The following TRIM42 variants were observed in gnomAD, a reference collection of about 807,000 sequenced individuals.
The protein encoded by TRIM42 is tripartite motif-containing protein 42.
Under a neutral mutation model 64.9 loss-of-function variants are expected in TRIM42, and 59 were observed. That is an observed-to-expected ratio of 0.91 (90% CI 0.74 to 1.13). TRIM42 has a LOEUF of 1.13. Among genes scored for constraint, TRIM42 ranks in the 50% most tolerant of loss-of-function variants. The probability of loss-of-function intolerance (pLI) is 0.00; values close to 1 mark genes in which losing one functional copy is unlikely to be tolerated. For missense variants in TRIM42, 878 were observed against 929.5 expected, an observed-to-expected ratio of 0.94 and a Z score of 0.72; for synonymous variants, 354 against 346.3, an observed-to-expected ratio of 1.02 and a Z score of -0.25.
At position 140,701,054 on chromosome 3, in the gene TRIM42, T is replaced by G. The variant is rs1988987757; in HGVS notation, c.*80T>G. The G allele has an allele frequency of 4.0e-6, 5 of 1,244,032 alleles. No homozygotes were observed. Among genetic ancestry groups the G allele is most frequent in the Admixed American group, 2.3e-5 (1 of 43,136 alleles). 77.1% of individuals were successfully genotyped at this position (1,244,032 alleles called of 1,614,324 possible). ...ACACATATATGTATGTATATTTTTCTCACCACATTCTTCAAGGAGGTTGTA... is the reference window on the plus strand; with the variant it reads ...ACACATATATGTATGTATATTTTTCGCACCACATTCTTCAAGGAGGTTGTA... On this transcript the variant is annotated 3_prime_UTR_variant, in exon 5 of 5. Transcript: ENST00000286349.
intron 2 of TRIM42, among the ~76,000 whole-genome samples, chr3:140,686,722 AAG>A (rs1988554063): frequency 1.3e-5 from 2 of 152,198 alleles, no homozygotes; most frequent in Admixed American, 1.3e-4. Context: ...CAATTCACTG[AAG>A]AGTTTACCTT....
chr3:140,682,613 C>T lies in TRIM42; in HGVS notation c.493C>T (p.Leu165=). ...HSFMLPCNHS[L]CEKCLRQLQK... ...ATTCATGCTGCCCTGCAACCACAGC[C>T]TGTGCGAGAAGTGCCTGCGGCAGCT... The change falls in exon 2 of 5, where the codon CTG becomes TTG. Residue 165 remains leucine, a synonymous_variant. Coordinates refer to ENST00000286349, the MANE Select transcript of TRIM42 (RefSeq NM_152616.5). 6.2e-7 allele frequency: 1 copy of T among 1,614,224 alleles called. No individual in the cohort carries two copies. Among genetic ancestry groups the T allele is most frequent in the Non-Finnish European group, 8.5e-7 (1 of 1,180,052 alleles).
chr3:140,694,326 C>A (rs897477357), intron 4 of TRIM42, among the ~76,000 whole-genome samples: 1 of 152,250 alleles, frequency 6.6e-6, no homozygotes, highest in African/African-American at 2.4e-5. Flanking sequence ...ACACACCCTT[C>A]TGTGCCCATG....
Position 140,688,430 on chromosome 3 carries a change from C to G in TRIM42, c.1748C>G (p.Ser583Cys). ...TYWSAGADSQ[S>C]VQNSSSFHNW... The stretch of plus-strand genomic sequence containing the variant: ...TGGAGTGCTGGAGCAGACAGCCAGT[C>G]TGTACAGAACAGCAGCAGCTTCCAC... Residue 583 changes from serine (S) to cysteine (C), a missense_variant, in exon 3 of 5, where the codon TCT (serine) becomes TGT (cysteine). Ser to Cys is a moderately radical substitution (Grantham distance 112, BLOSUM62 -1). Coordinates refer to ENST00000286349, the MANE Select transcript of TRIM42 (RefSeq NM_152616.5). 1 of 1,614,202 alleles carries G rather than the reference C, an allele frequency of 6.2e-7. No individual in the cohort carries two copies. The highest frequency in any genetic ancestry group is 8.5e-7 in the Non-Finnish European group (1 of 1,180,034).
At chr3:140,681,050 T>C (rs1248644913) in intron 1 of TRIM42, among the ~76,000 whole-genome samples, 1 of 152,254 alleles carries the variant, frequency 6.6e-6, no homozygotes, top group Non-Finnish European at 1.5e-5. Context: ...AGCTATTTCA[T>C]TTATTTTTAT....
chr3:140,678,223 A>T lies in TRIM42; in HGVS notation c.-7A>T, dbSNP rs1234392794. On this transcript the variant is annotated 5_prime_UTR_variant, in exon 1 of 5. The change abolishes the stop of an existing upstream ORF in the 5' untranslated region. Coordinates refer to ENST00000286349, the MANE Select transcript of TRIM42 (RefSeq NM_152616.5). ...CCTGGGAGGCCGGTGGTAATCATGT[A>T]GGCACCATGGAAACTGCTATGTGCG... 6.2e-7 allele frequency: 1 copy of T among 1,611,200 alleles called. No individual in the cohort carries two copies. The highest frequency in any genetic ancestry group is 2.2e-5 in the East Asian group (1 of 44,830).
At chr3:140,690,560 TATATATATATATATATATATATATATG>T (rs1988680013) in intron 3 of TRIM42, among the ~76,000 whole-genome samples, 1 of 66,204 alleles carries the variant, frequency 1.5e-5, no homozygotes, top group Non-Finnish European at 4.6e-5. Context: ...TATATATATA[TATATATATATATATATATATATATATG>T]TTTGTATGTG....
Position 140,678,290 on chromosome 3 carries a change from T to C in TRIM42, c.61T>C (p.Leu21=), listed in dbSNP as rs763284137. ...CCTWQRCCPQ[L]CSCLCCKFIF... is the part of the protein sequence containing the mutation. The stretch of plus-strand genomic sequence containing the variant: ...TACATGGCAGAGATGTTGTCCTCAG[T>C]TATGCTCCTGTCTGTGCTGCAAGTT... The change falls in exon 1 of 5, where the codon TTA becomes CTA. Residue 21 remains leucine (L), a synonymous_variant. Transcript: ENST00000286349. 1.9e-6 allele frequency: 3 copies of C among 1,614,210 alleles called. No individual in the cohort carries two copies. Among genetic ancestry groups the C allele is most frequent in the Non-Finnish European group, 2.5e-6 (3 of 1,180,030 alleles).
In TRIM42 at chr3:140,692,562, C is replaced by CACACACACACACACACACACACACAGAG. The variant is rs375439126; in HGVS notation, c.2085+1371_2085+1372insCACACACACACACACACACACACAGAGA. 4.2e-3 allele frequency among the ~76,000 whole-genome samples: 482 copies of CACACACACACACACACACACACACAGAG among 114,068 alleles called. 5 individuals are homozygous for CACACACACACACACACACACACACAGAG. Among genetic ancestry groups the CACACACACACACACACACACACACAGAG allele is most frequent in the African/African-American group, 5.0e-3 (172 of 34,078 alleles). 74.8% of individuals were successfully genotyped at this position (114,068 alleles called of 152,430 possible). A position where few individuals can be genotyped will look rare whatever the true frequency, so the allele number is the denominator to read the frequency against. On this transcript the variant is annotated intron_variant, in intron 4 of 4. Transcript: ENST00000286349. ...ACACACACACACACACACACACACA[C>CACACACACACACACACACACACACAGAG]AGAGAGAGATAGAGAGAGAGAGAGA... is the stretch of plus-strand genomic sequence containing the variant.
intron 2 of TRIM42, among the ~76,000 whole-genome samples, chr3:140,687,263 G>A (rs754462397): frequency 1.3e-5 from 2 of 152,198 alleles, no homozygotes; most frequent in Non-Finnish European, 2.9e-5. Context: ...GAGGCTTAGC[G>A]AATGATGCAA....
chr3:140,679,272 G>A (rs1988297791), intron 1 of TRIM42, among the ~76,000 whole-genome samples: 1 of 152,114 alleles, frequency 6.6e-6, no homozygotes, highest in African/African-American at 2.4e-5. Flanking sequence ...TTCCCATCCA[G>A]AAGTCATAGT....
At position 140,688,215 on chromosome 3, in the gene TRIM42, C is replaced by G. The variant is rs1425091150; in HGVS notation, c.1533C>G (p.His511Gln). 1.2e-6 allele frequency: 2 copies of G among 1,614,182 alleles called. No homozygotes were observed. Among genetic ancestry groups the G allele is most frequent in the South Asian group, 2.2e-5 (2 of 91,086 alleles). Residue 511 changes from histidine (H) to glutamine (Q), a missense_variant, in exon 3 of 5, where the codon CAC becomes CAG. Coordinates refer to ENST00000286349, the MANE Select transcript of TRIM42 (RefSeq NM_152616.5). Reference protein sequence around the residue: ...GDSLPSPYPVHSETMIARKVT... With the variant: ...GDSLPSPYPVQSETMIARKVT... ...CCCTGCCCTCCCCCTACCCCGTGCA[C>G]TCAGAAACAATGATTGCCAGGAAGG...
At chr3:140,697,780 T>C (rs1392630859) in intron 4 of TRIM42, among the ~76,000 whole-genome samples, 2 of 152,190 alleles carry the variant, frequency 1.3e-5, no homozygotes, top group East Asian at 3.8e-4. Context: ...GCCTCCTGGG[T>C]TCACGCCATT....
intron 1 of TRIM42, among the ~76,000 whole-genome samples, chr3:140,681,280 G>C (rs180774205): frequency 6.6e-6 from 1 of 152,184 alleles, no homozygotes; most frequent in Non-Finnish European, 1.5e-5. Flanking sequence ...GCAGACATTA[G>C]CTGGCTAGTA....
intron 4 of TRIM42, among the ~76,000 whole-genome samples, chr3:140,692,787 C>T (rs1280022298): frequency 6.6e-6 from 1 of 152,186 alleles, no homozygotes; most frequent in Non-Finnish European, 1.5e-5. Context: ...TTCCTTCCAT[C>T]TAATCTCATC....
Position 140,687,868 on chromosome 3 carries a change from G to C in TRIM42, c.1186G>C (p.Glu396Gln), listed in dbSNP as rs1484182168. The C allele has an allele frequency of 2.5e-6, 4 of 1,614,088 alleles. No homozygotes were observed. The highest frequency in any genetic ancestry group is 3.4e-6 in the Non-Finnish European group (4 of 1,180,046). The change falls in exon 3 of 5, where the codon GAG becomes CAG. Residue 396 changes from glutamate (E) to glutamine (Q), a missense_variant. Physicochemically the swap from Glu to Gln is conservative, Grantham distance 29. Transcript: ENST00000286349. Reference sequence around the variant, plus strand: ...TCAGGAGAAAGAGAAGATCATCATGGAGCAGATAGAGAATCTAGAAGTGTC... The same window carrying C: ...TCAGGAGAAAGAGAAGATCATCATGCAGCAGATAGAGAATCTAGAAGTGTC... ...ILQEKEKIIM[E>Q]QIENLEVSRQ...
chr3:140,693,083 T>C (rs1214187580), intron 4 of TRIM42, among the ~76,000 whole-genome samples: 1 of 152,222 alleles, frequency 6.6e-6, no homozygotes, highest in African/African-American at 2.4e-5. Context: ...TATAGCTGGT[T>C]CTTAATAGTT....
At chr3:140,686,878 C>T (rs1278174657) in intron 2 of TRIM42, among the ~76,000 whole-genome samples, 2 of 152,148 alleles carry the variant, frequency 1.3e-5, no homozygotes, top group Non-Finnish European at 2.9e-5. Flanking sequence ...TAGAGATGTG[C>T]CACGTGCTTA....
At position 140,688,373 on chromosome 3, in the gene TRIM42, C is replaced by A. The variant is rs756887185; in HGVS notation, c.1691C>A (p.Pro564His). The A allele has an allele frequency of 1.2e-6, 2 of 1,614,162 alleles. No individual in the cohort carries two copies. The highest frequency in any genetic ancestry group is 1.3e-5 in the African/African-American group (1 of 75,034). ...TGTGGGAGAGCCCAGTCAGCCACCCCCGCCAAACCCACAGACGGCCTCTAC... is the reference window on the plus strand; with the variant it reads ...TGTGGGAGAGCCCAGTCAGCCACCCACGCCAAACCCACAGACGGCCTCTAC... ...EACGRAQSATPAKPTDGLYTY... is the reference protein window; with the variant it reads ...EACGRAQSATHAKPTDGLYTY... The change falls in exon 3 of 5, where the codon CCC becomes CAC. Residue 564 changes from proline (P) to histidine (H), a missense_variant. Pro to His is a moderately conservative substitution (Grantham distance 77, BLOSUM62 -2). Coordinates refer to ENST00000286349, the MANE Select transcript of TRIM42 (RefSeq NM_152616.5).
Sources: allele counts gnomAD v4.1 joint callset (sites outside exome capture counted in the v4.1 genomes callset), GRCh38; gene constraint gnomAD v4.1.1; transcripts MANE v1.5; gene names NCBI Gene and HGNC (gene_info 2026-07-23, HGNC 2026-07-21).